Variants in PTPRJ observed in about 807,000 individuals in gnomAD.
PTPRJ encodes the protein receptor-type tyrosine-protein phosphatase eta.
A neutral mutation model predicts 141.3 loss-of-function variants in PTPRJ; 129 were observed. That is an observed-to-expected ratio of 0.91 (90% CI 0.79 to 1.06). The LOEUF (loss-of-function observed/expected upper bound fraction) is 1.06, where lower values mean the gene tolerates loss of function less well. Ranked by LOEUF, PTPRJ falls within the 50% of genes least tolerant of loss-of-function variation. The probability of loss-of-function intolerance (pLI) is 0.00; values close to 1 mark genes in which losing one functional copy is unlikely to be tolerated. For synonymous variants in PTPRJ, 610 were observed against 640.5 expected (o/e 0.95, Z 0.72); for missense variants, 1,601 against 1,679.7 (o/e 0.95, Z 0.82).
At chr11:48,065,022 T>C (rs2134265027) in intron 1 of PTPRJ, among the ~76,000 whole-genome samples, 1 of 144,398 alleles carries the variant, frequency 6.9e-6, no homozygotes, top group East Asian at 2.0e-4. Flanking sequence ...TTTTTTTTTT[T>C]TTTTTTTTTG....
chr11:48,152,479 T>C (rs532297087), intron 18 of PTPRJ, among the ~76,000 whole-genome samples: 1 of 152,292 alleles, frequency 6.6e-6, no homozygotes, highest in East Asian at 1.9e-4. Flanking sequence ...ATTTTGTCTT[T>C]TGTTGCCATT....
rs1009035521 is a variant in PTPRJ, at chr11:48,170,004, GAC to G, written c.*2648_*2649del. ...GGAAGATTAATGTGTAAATATAAAGGACACACAGGCTGGGGGTTGGTCAGAGG... is the reference window on the plus strand; with the variant it reads ...GGAAGATTAATGTGTAAATATAAAGGACACAGGCTGGGGGTTGGTCAGAGG... On this transcript the variant is annotated 3_prime_UTR_variant, in exon 25 of 25. Transcript: ENST00000418331. 1.3e-5 allele frequency: 2 copies of G among 152,128 alleles called. No individual in the cohort carries two copies. Among genetic ancestry groups the G allele is most frequent in the Non-Finnish European group, 2.9e-5 (2 of 68,050 alleles). 9.4% of individuals were successfully genotyped at this position (152,128 alleles called of 1,614,324 possible).
chr11:48,039,755 A>G (rs1206519491), intron 1 of PTPRJ, among the ~76,000 whole-genome samples: 2 of 150,950 alleles, frequency 1.3e-5, no homozygotes, highest in Non-Finnish European at 2.9e-5. Flanking sequence ...TTTGACAGTA[A>G]TAGGTAAGTG....
intron 1 of PTPRJ, among the ~76,000 whole-genome samples, chr11:48,069,445 AT>A (rs35405916): frequency 0.2 from 24,458 of 121,286 alleles, 3,946 homozygotes; most frequent in African/African-American, 0.42. Context: ...TACATTGATA[AT>A]TTTTTTTTTT....
intron 1 of PTPRJ, among the ~76,000 whole-genome samples, chr11:48,046,801 C>T (rs1854409998): frequency 6.6e-6 from 1 of 151,040 alleles, no homozygotes; most frequent in Non-Finnish European, 1.5e-5. Flanking sequence ...TAACTTATCC[C>T]AGCTTGCACA....
intron 1 of PTPRJ, among the ~76,000 whole-genome samples, chr11:48,040,812 G>C (rs1854256471): frequency 1.3e-5 from 2 of 152,000 alleles, no homozygotes; most frequent in Non-Finnish European, 2.9e-5. Context: ...ATATTGGCCA[G>C]GCCGGTCTCA....
rs1002079404 is a variant in PTPRJ at position 48,136,162 on chromosome 11, G to T, written c.1739G>T (p.Gly580Val). Residue 580 changes from glycine to valine, a missense_variant, in exon 9 of 25, where the codon GGC becomes GTC. By Grantham distance (109) the Gly-to-Val change is moderately radical (BLOSUM62 -3). Coordinates refer to ENST00000418331, the MANE Select transcript of PTPRJ (RefSeq NM_002843.4). ...VYHLVIESKH[G>V]SNHTSTYDKA... is the part of the protein sequence containing the mutation. ...CATTTAGTCATAGAGTCCAAGCATG[G>T]CTCTAACCACACAAGCACGTATGAC... 4.3e-6 allele frequency: 7 copies of T among 1,614,028 alleles called. No individual in the cohort carries two copies. The highest frequency in any genetic ancestry group is 5.9e-6 in the Non-Finnish European group (7 of 1,180,034).
chr11:48,023,472 A>G (rs971159182), intron 1 of PTPRJ, among the ~76,000 whole-genome samples: 10 of 152,064 alleles, frequency 6.6e-5, no homozygotes, highest in African/African-American at 2.4e-4. Context: ...GGGTTTTAGA[A>G]CTTCATTCTT....
At chr11:48,078,728 A>C (rs1050188566) in intron 1 of PTPRJ, among the ~76,000 whole-genome samples, 2 of 152,172 alleles carry the variant, frequency 1.3e-5, no homozygotes, top group Non-Finnish European at 2.9e-5. Context: ...TGGTTGAAAA[A>C]ATCAAAAGAA....
At chr11:48,143,533 C>T (rs1001197412) in intron 12 of PTPRJ, among the ~76,000 whole-genome samples, 2 of 152,192 alleles carry the variant, frequency 1.3e-5, no homozygotes, top group East Asian at 1.9e-4. Flanking sequence ...ACATGCCATC[C>T]TCAGAGGATG....
At chr11:48,033,848 A>C (rs1854054515) in intron 1 of PTPRJ, among the ~76,000 whole-genome samples, 1 of 152,180 alleles carries the variant, frequency 6.6e-6, no homozygotes, top group Non-Finnish European at 1.5e-5. Context: ...CACCTACCGG[A>C]AGTCTTTGTG....
intron 1 of PTPRJ, among the ~76,000 whole-genome samples, chr11:47,993,374 C>G (rs532715670): frequency 1.1e-4 from 17 of 152,116 alleles, no homozygotes; most frequent in Admixed American, 8.5e-4. Context: ...CTCCCTGCAG[C>G]CTCCACCTCC....
chr11:48,026,173 G>A (rs1853806416), intron 1 of PTPRJ, among the ~76,000 whole-genome samples: 1 of 152,138 alleles, frequency 6.6e-6, no homozygotes, highest in South Asian at 2.1e-4. Context: ...TGGAAGGTTC[G>A]AGTCTTACTT....
chr11:48,065,681 G>A (rs1855065607), intron 1 of PTPRJ, among the ~76,000 whole-genome samples: 1 of 152,108 alleles, frequency 6.6e-6, no homozygotes, highest in South Asian at 2.1e-4. Context: ...GACCCTATGG[G>A]GTGCTTACTA....
intron 1 of PTPRJ, among the ~76,000 whole-genome samples, chr11:48,012,252 C>T (rs1282889429): frequency 6.6e-6 from 1 of 152,132 alleles, no homozygotes; most frequent in African/African-American, 2.4e-5. Flanking sequence ...TTTTGACCCA[C>T]ATCCTCCCTC....
chr11:47,997,636 G>A (rs937360695), intron 1 of PTPRJ, among the ~76,000 whole-genome samples: 44 of 152,132 alleles, frequency 2.9e-4, no homozygotes, highest in African/African-American at 9.7e-4. Flanking sequence ...AAGGAACCCC[G>A]TGCTAATGTG....
rs766959266 is a variant in PTPRJ at position 48,160,067 on chromosome 11, A to C, written c.3558+18A>C. 6.2e-7 allele frequency: 1 copy of C among 1,612,684 alleles called. No homozygotes were observed. Among genetic ancestry groups the C allele is most frequent in the Non-Finnish European group, 8.5e-7 (1 of 1,178,892 alleles). On this transcript the variant is annotated intron_variant, in intron 22 of 24. Coordinates refer to ENST00000418331, the MANE Select transcript of PTPRJ (RefSeq NM_002843.4). ...TGAAAAATGTAAGTAAGAAGTCAGG[A>C]TCAGTTGAGCTCATGTAATTACCAT...
chr11:48,022,080 C>G (rs1007456903), intron 1 of PTPRJ, among the ~76,000 whole-genome samples: 1 of 152,156 alleles, frequency 6.6e-6, no homozygotes, highest in Admixed American at 6.5e-5. Flanking sequence ...GAACCTGTGT[C>G]ATTACATTAT....
chr11:48,108,134 A>G (rs1261465866), intron 1 of PTPRJ, among the ~76,000 whole-genome samples: 1 of 152,198 alleles, frequency 6.6e-6, no homozygotes, highest in Non-Finnish European at 1.5e-5. Flanking sequence ...TGGGGAGAGT[A>G]TGAGCTTCAG....
Sources: gnomAD v4.1 joint callset for allele counts (sites outside exome capture counted in the v4.1 genomes callset) on GRCh38, gnomAD v4.1.1 for gene constraint, MANE v1.5 for transcripts, NCBI Gene and HGNC (gene_info 2026-07-23, HGNC 2026-07-21) for gene names.